CHAT: variants seen among roughly 807,000 people sequenced by gnomAD.
CHAT encodes acetyl CoA:choline O-acetyltransferase.
CHAT carries 61 observed loss-of-function variants against 76.9 expected under a neutral mutation model. The observed-to-expected ratio is 0.79, with a 90% confidence interval of 0.65 to 0.98. The LOEUF is 0.98. CHAT is among the 50% of genes least tolerant of loss of function. The probability of loss-of-function intolerance (pLI) is 0.00; values close to 1 mark genes in which losing one functional copy is unlikely to be tolerated. For synonymous variants in CHAT, 407 were observed against 397.4 expected, an observed-to-expected ratio of 1.02 and a Z score of -0.29; for missense variants, 946 against 986.9, an observed-to-expected ratio of 0.96 and a Z score of 0.56.
chr10:49,613,581 G>C (rs1027741416), upstream of CHAT, among the ~76,000 whole-genome samples: 1 of 152,200 alleles, frequency 6.6e-6, no homozygotes, highest in East Asian at 1.9e-4. Context: ...GCTGTTGTGC[G>C]CATGTCTGTC....
intron 13 of CHAT, among the ~76,000 whole-genome samples, chr10:49,656,673 G>T (rs1840045916): frequency 1.3e-5 from 2 of 152,354 alleles, no homozygotes; most frequent in South Asian, 4.1e-4. Flanking sequence ...GCAGAGCACA[G>T]CTTGCAAAGG....
chr10:49,646,739 G>A (rs1482598036), intron 8 of CHAT, 65 bp downstream of exon 8: 2 of 1,567,660 alleles, frequency 1.3e-6, no homozygotes, highest in African/African-American at 2.7e-5. Flanking sequence ...GAGTAGGCAA[G>A]CGGGCACAGC....
intron 13 of CHAT, among the ~76,000 whole-genome samples, chr10:49,658,443 G>T (rs142656970): frequency 6.6e-6 from 1 of 152,206 alleles, no homozygotes; most frequent in Admixed American, 6.5e-5. Context: ...GCTTGAACCC[G>T]GGAGGTGGAG....
rs1347978550 is a variant in CHAT at position 49,667,040 on chromosome 10, A to G, written c.*1994A>G. Among the ~76,000 whole-genome samples, 1 of 152,190 alleles carries G rather than the reference A, an allele frequency of 6.6e-6. No individual in the cohort carries two copies. Among genetic ancestry groups the G allele is most frequent in the Non-Finnish European group, 1.5e-5 (1 of 68,022 alleles). On this transcript the variant is annotated 3_prime_UTR_variant, in exon 15 of 15. Transcript: ENST00000337653. ...AAATGACATGCATGCCCAGAGACGCAGTTCCTTCCACTGTCAAATGAGAAC... is the reference window on the plus strand; with the variant it reads ...AAATGACATGCATGCCCAGAGACGCGGTTCCTTCCACTGTCAAATGAGAAC...
intron 7 of CHAT, among the ~76,000 whole-genome samples, chr10:49,632,707 A>C (rs1839166443): frequency 6.6e-6 from 1 of 151,800 alleles, no homozygotes; most frequent in Non-Finnish European, 1.5e-5. Flanking sequence ...CATTTTATCA[A>C]CCTCTCTCCT....
chr10:49,645,322 C>T (rs1209853658), intron 7 of CHAT, among the ~76,000 whole-genome samples: 1 of 152,192 alleles, frequency 6.6e-6, no homozygotes, highest in African/African-American at 2.4e-5. Flanking sequence ...GCATCCAGCC[C>T]CCAAGGTCAG....
intron 13 of CHAT, among the ~76,000 whole-genome samples, chr10:49,658,180 G>A (rs1230929594): frequency 2.6e-5 from 4 of 152,040 alleles, no homozygotes; most frequent in Admixed American, 1.3e-4. Flanking sequence ...TCAGGAGATC[G>A]AGACCAGCCT....
Position 49,664,867 on chromosome 10 carries a change from C to G in CHAT, c.2068C>G (p.Leu690Val). The G allele has an allele frequency of 3.1e-6, 5 of 1,614,186 alleles. No individual in the cohort carries two copies. The Admixed American group carries it at 5.0e-5, about 16-fold the overall frequency. The change falls in exon 15 of 15, where the codon CTT becomes GTT. Residue 690 changes from leucine to valine, a missense_variant. By Grantham distance (32) the Leu-to-Val change is conservative (BLOSUM62 1). Around this residue, in one of 3 missense-constraint regions of CHAT, gnomAD observed 349 missense variants for 393.9 expected, o/e 0.89. Transcript: ENST00000337653. ...ACYNPQPETI[L>V]FCISSFHSCK... ...CTACAACCCCCAGCCAGAGACCATCCTTTTCTGCATCTCTAGCTTTCACAG... is the reference window on the plus strand; with the variant it reads ...CTACAACCCCCAGCCAGAGACCATCGTTTTCTGCATCTCTAGCTTTCACAG...
intron 7 of CHAT, among the ~76,000 whole-genome samples, chr10:49,631,249 G>C (rs750652085): frequency 2.6e-4 from 40 of 152,200 alleles, no homozygotes; most frequent in Admixed American, 1.2e-3. Flanking sequence ...TTCAACAACA[G>C]ACACCTGCTA....
intron 10 of CHAT, 26 bp downstream of exon 10, chr10:49,649,662 A>C (rs1839805765): frequency 1.9e-6 from 3 of 1,613,218 alleles, no homozygotes; most frequent in African/African-American, 1.3e-5. Context: ...GTCTCCTTTG[A>C]GGGGTCCCCT....
chr10:49,645,362 T>G (rs1399651292), intron 7 of CHAT, among the ~76,000 whole-genome samples: 1 of 152,318 alleles, frequency 6.6e-6, no homozygotes, highest in East Asian at 1.9e-4. Context: ...GCCCTCACCA[T>G]TGGGTCTTGA....
chr10:49,655,057 T>G lies in CHAT; in HGVS notation c.1635-38T>G, dbSNP rs1342323565. The G allele has an allele frequency of 2.5e-6, 4 of 1,612,552 alleles. No individual in the cohort carries two copies. In the Admixed American group the frequency reaches 6.7e-5, roughly 27 times the overall value. ...TTCCGAGTTTATGATTTCCCAAGAA[T>G]AAATTACCATGTGCCATTCATCCTT... On this transcript the variant is annotated intron_variant, in intron 11 of 14. Coordinates refer to ENST00000337653, the MANE Select transcript of CHAT (RefSeq NM_020549.5).
At chr10:49,648,108 C>A in intron 8 of CHAT, 1 of 290,046 alleles carries the variant, frequency 3.4e-6, no homozygotes, top group Non-Finnish European at 6.6e-6. Flanking sequence ...AAGATCCAGC[C>A]TCTGGCACAC....
intron 2 of CHAT, 124 bp downstream of exon 2, chr10:49,616,726 G>A (rs2132702559): frequency 1.3e-6 from 1 of 743,672 alleles, no homozygotes; most frequent in Middle Eastern, 2.3e-4. Flanking sequence ...CCCTCTACTG[G>A]CACAAGGCCC....
chr10:49,614,929 T>C (rs1838429869), intron 1 of CHAT, among the ~76,000 whole-genome samples: 1 of 152,070 alleles, frequency 6.6e-6, no homozygotes, highest in Admixed American at 6.5e-5. Context: ...CAGACTGGGG[T>C]TGGACCTTCG....
Position 49,666,584 on chromosome 10 carries a change from C to T in CHAT, c.*1538C>T, listed in dbSNP as rs920997474. Among the ~76,000 whole-genome samples the T allele has an allele frequency of 1.3e-5, 2 of 152,166 alleles. No individual in the cohort carries two copies. The highest frequency in any genetic ancestry group is 2.9e-5 in the Non-Finnish European group (2 of 68,016). ...ACTGTGAAGGCTCTCCACACTTCGA[C>T]CTGGACTGTCACAGGCTGGCAGAGG... On this transcript the variant is annotated 3_prime_UTR_variant, in exon 15 of 15. Coordinates refer to ENST00000337653, the MANE Select transcript of CHAT (RefSeq NM_020549.5).
chr10:49,616,466 C>A, intron 1 of CHAT, 36 bp from the exon 2 acceptor site: 1 of 1,509,986 alleles, frequency 6.6e-7, no homozygotes, highest in Non-Finnish European at 9.1e-7. Context: ...GCCTATGTGG[C>A]TGCTGTGTTG....
chr10:49,662,470 T>C (rs764961313), intron 13 of CHAT, among the ~76,000 whole-genome samples, 175 bp from the exon 14 acceptor site: 3 of 152,208 alleles, frequency 2.0e-5, no homozygotes, highest in Admixed American at 1.3e-4. Context: ...AGAGGCCGCA[T>C]GGTAGAGCGG....
chr10:49,649,666 G>A (rs1290974547), intron 10 of CHAT, 30 bp downstream of exon 10: 1 of 1,612,996 alleles, frequency 6.2e-7, no homozygotes, highest in Non-Finnish European at 8.5e-7. Flanking sequence ...CCTTTGAGGG[G>A]TCCCCTAGGG....
Sources: allele counts gnomAD v4.1 joint callset (sites outside exome capture counted in the v4.1 genomes callset), GRCh38; gene constraint gnomAD v4.1.1; regional missense constraint gnomAD v4.1.1; transcripts MANE v1.5; gene names NCBI Gene and HGNC (gene_info 2026-07-23, HGNC 2026-07-21).